CELSR1: variants seen among roughly 807,000 people sequenced by gnomAD.
The protein encoded by CELSR1 is cadherin EGF LAG seven-pass G-type receptor 1, also known as adhesion G protein-coupled receptor C1.
A neutral mutation model predicts 249.1 loss-of-function variants in CELSR1; 110 were observed. The observed-to-expected ratio is 0.44, with a 90% CI of 0.38 to 0.52. The LOEUF (loss-of-function observed/expected upper bound fraction) is 0.52, where lower values mean the gene tolerates loss of function less well. CELSR1 is among the 20% of genes least tolerant of loss of function. CELSR1 has a pLI of 0.00. For synonymous variants in CELSR1, 2,113 were observed against 1,900.0 expected, an observed-to-expected ratio of 1.11 and a Z score of -2.92; for missense variants, 4,109 against 4,296.4, an observed-to-expected ratio of 0.96 and a Z score of 1.22.
At chr22:46,386,683 T>C (rs1319855622) in intron 18 of CELSR1, 98 bp from the exon 19 acceptor site, 4 of 890,714 alleles carry the variant, frequency 4.5e-6, no homozygotes, top group African/African-American at 1.7e-5. Context: ...CCTAGTGGGC[T>C]CATTCATTCA....
At position 46,468,794 on chromosome 22, in the gene CELSR1, G is replaced by T. The variant is rs2080124546; in HGVS notation, c.3545-4449C>A. Among the ~76,000 whole-genome samples the T allele has an allele frequency of 6.6e-6, 1 of 152,114 alleles. No homozygotes were observed. Among genetic ancestry groups the T allele is most frequent in the South Asian group, 2.1e-4 (1 of 4,824 alleles). ...ACCACAATTACAAATTTTTTTAATA[G>T]GCCAGTCTCAGTGGCTCACGTCTGA... On this transcript the variant is annotated intron_variant, in intron 1 of 34. Coordinates refer to ENST00000674500, the MANE Select transcript of CELSR1 (RefSeq NM_001378328.1). The surrounding 1 kb of genome is among the most constrained non-coding windows in gnomAD (Gnocchi z 4.5).
chr22:46,507,869 G>GT (rs397802957), intron 1 of CELSR1, among the ~76,000 whole-genome samples: 23 of 151,748 alleles, frequency 1.5e-4, no homozygotes, highest in Admixed American at 2.6e-4. Flanking sequence ...GGCACTGGGG[G>GT]GCTGCATGGA....
chr22:46,535,395 C>T lies in CELSR1; in HGVS notation c.1776G>A (p.Ala592=), dbSNP rs61737812. The T allele has an allele frequency of 5.4e-3, 8,616 of 1,609,786 alleles. 31 individuals carry two copies. The highest frequency in any genetic ancestry group is 6.7e-3 in the Non-Finnish European group (7,897 of 1,178,450). Residue 592 remains alanine, a synonymous_variant, in exon 1 of 35, where the codon GCG becomes GCA. Coordinates refer to ENST00000674500, the MANE Select transcript of CELSR1 (RefSeq NM_001378328.1). The stretch of plus-strand genomic sequence containing the variant: ...GCAGCCGGGCGTTCTCTCCAGAGTC[C>T]GCGTCCACCGCCTGAATGTGCACCA... ...YPVVHIQAVD[A]DSGENARLHY... is the part of the protein sequence containing the mutation.
At chr22:46,368,265 C>T (rs1297998473) in intron 27 of CELSR1, among the ~76,000 whole-genome samples, 2 of 152,146 alleles carry the variant, frequency 1.3e-5, no homozygotes. Context: ...GCCTCAGTCT[C>T]CCCATGTGTA....
rs769890946 is a variant in CELSR1 at position 46,534,947 on chromosome 22, C to T, written c.2224G>A (p.Gly742Ser). Residue 742 changes from glycine to serine, a missense_variant, in exon 1 of 35, where the codon GGC (glycine) becomes AGC (serine). Around this residue, in one of 7 missense-constraint regions of CELSR1, gnomAD observed 886 missense variants for 896.5 expected, o/e 0.99. Coordinates refer to ENST00000674500, the MANE Select transcript of CELSR1 (RefSeq NM_001378328.1). This position sits in a 1 kb window ranked among gnomAD's most constrained non-coding sequence, Gnocchi z 9.7. ...AGAGGTAGCGCCAGGGTGATGAGGC[C>T]GCCCCCTCTCTGGCTGCTGAGTGCA... ...RFALSSQRGGGLITLALPLDY... is the reference protein window; with the variant it reads ...RFALSSQRGGSLITLALPLDY... 3.7e-6 allele frequency: 6 copies of T among 1,612,420 alleles called. No individual in the cohort carries two copies. Among genetic ancestry groups the T allele is most frequent in the East Asian group, 4.5e-5 (2 of 44,850 alleles).
At chr22:46,368,128 C>G (rs1401871702) in intron 27 of CELSR1, among the ~76,000 whole-genome samples, 1 of 152,172 alleles carries the variant, frequency 6.6e-6, no homozygotes, top group East Asian at 1.9e-4. Context: ...AGGACTACAC[C>G]AGGCCAAGGG....
At position 46,441,354 on chromosome 22, in the gene CELSR1, C is replaced by G. The variant is rs2079746601; in HGVS notation, c.4184-1943G>C. On this transcript the variant is annotated intron_variant, in intron 2 of 34. Transcript: ENST00000674500. This position sits in a 1 kb window ranked among gnomAD's most constrained non-coding sequence, Gnocchi z 6.1. ...CTGCAATGTCCCCCCGAGAGGCCTC[C>G]AACCACGCTCCGGACGGCCAGTGGG... Among the ~76,000 whole-genome samples the G allele has an allele frequency of 6.6e-6, 1 of 152,042 alleles. No homozygotes were observed. The highest frequency in any genetic ancestry group is 1.5e-5 in the Non-Finnish European group (1 of 68,010).
chr22:46,450,745 C>T (rs1359474011), intron 2 of CELSR1, among the ~76,000 whole-genome samples: 1 of 152,162 alleles, frequency 6.6e-6, no homozygotes, highest in Non-Finnish European at 1.5e-5. Flanking sequence ...GGCCTCAGCA[C>T]CCCATTCCAA....
rs143814792 is a variant in CELSR1 at position 46,535,839 on chromosome 22, G to A, written c.1332C>T (p.Thr444=). Residue 444 remains threonine (T), a synonymous_variant, in exon 1 of 35, where the codon ACC becomes ACT. Transcript: ENST00000674500. The part of the protein sequence containing the change: ...RNPGPLSATA[T]VYIEVEDEND... ...TCTCGTCCTCCACCTCGATGTACAC[G>A]GTGGCCGTGGCACTGAGCGGGCCCG... The A allele has an allele frequency of 1.1e-5, 18 of 1,611,742 alleles. No homozygotes were observed. The African/African-American group carries it at 2.0e-4, about 18-fold the overall frequency.
intron 2 of CELSR1, among the ~76,000 whole-genome samples, chr22:46,453,757 G>A (rs2079913425): frequency 6.6e-6 from 1 of 152,162 alleles, no homozygotes; most frequent in African/African-American, 2.4e-5. Context: ...GCAGCCCTGG[G>A]TCCAGATCGT....
At chr22:46,444,982 G>A (rs914207928) in intron 2 of CELSR1, among the ~76,000 whole-genome samples, 1 of 152,160 alleles carries the variant, frequency 6.6e-6, no homozygotes, top group Non-Finnish European at 1.5e-5. Flanking sequence ...GAGGTGGGTG[G>A]ATCACCTGAG....
chr22:46,491,933 C>T (rs2080371292), intron 1 of CELSR1, among the ~76,000 whole-genome samples: 1 of 152,108 alleles, frequency 6.6e-6, no homozygotes, highest in South Asian at 2.1e-4. Context: ...CACGATGTCG[C>T]GCCTCTCTAT....
intron 1 of CELSR1, chr22:46,481,390 T>C: frequency 3.7e-6 from 4 of 1,072,638 alleles, no homozygotes; most frequent in Non-Finnish European, 5.7e-6. Flanking sequence ...CAGGTGCATG[T>C]GGTCATCCAC....
rs1312342868 is a variant in CELSR1 at position 46,444,188 on chromosome 22, T to A, written c.4184-4777A>T. Reference sequence around the variant, plus strand: ...CGGGTCGGAACTCACTCTCCCCTCATCCGAGGGCTGGAAGATTCGGCTTCT... The same window carrying A: ...CGGGTCGGAACTCACTCTCCCCTCAACCGAGGGCTGGAAGATTCGGCTTCT... On this transcript the variant is annotated intron_variant, in intron 2 of 34. Coordinates refer to ENST00000674500, the MANE Select transcript of CELSR1 (RefSeq NM_001378328.1). Among the ~76,000 whole-genome samples the A allele has an allele frequency of 2.6e-5, 4 of 152,168 alleles. No homozygotes were observed. In the South Asian group the frequency reaches 8.3e-4, roughly 32 times the overall value.
intron 1 of CELSR1, among the ~76,000 whole-genome samples, chr22:46,496,025 C>T (rs2080409945): frequency 6.6e-6 from 1 of 151,022 alleles, no homozygotes; most frequent in Admixed American, 6.6e-5. Flanking sequence ...GAAACCCTGT[C>T]TCTACTAAAA....
rs1466909819 is a variant in CELSR1, at chr22:46,441,111, C to T, written c.4184-1700G>A. On this transcript the variant is annotated intron_variant, in intron 2 of 34. Coordinates refer to ENST00000674500, the MANE Select transcript of CELSR1 (RefSeq NM_001378328.1). The surrounding 1 kb of genome is among the most constrained non-coding windows in gnomAD (Gnocchi z 6.1). ...GAGGTTGTAGCGAGCCGAGGTCACA[C>T]TACCGCACTCCAGCCTAGGTGCCAG... is the stretch of plus-strand genomic sequence containing the variant. Among the ~76,000 whole-genome samples, 2 of 150,516 alleles carry T rather than the reference C, an allele frequency of 1.3e-5. No homozygotes were observed. The highest frequency in any genetic ancestry group is 4.9e-5 in the African/African-American group (2 of 40,690).
At chr22:46,416,572 G>C (rs1478457759) in intron 5 of CELSR1, among the ~76,000 whole-genome samples, 1 of 152,220 alleles carries the variant, frequency 6.6e-6, no homozygotes, top group Non-Finnish European at 1.5e-5. Context: ...GCCAGCACAG[G>C]CTCCCTGGGG....
chr22:46,422,408 C>G (rs1162686584), intron 5 of CELSR1, among the ~76,000 whole-genome samples: 2 of 151,544 alleles, frequency 1.3e-5, no homozygotes, highest in East Asian at 3.9e-4. Context: ...GTGCCTGGCC[C>G]TCAAATGATT....
chr22:46,460,161 G>C (rs1316521348), intron 2 of CELSR1, among the ~76,000 whole-genome samples: 2 of 149,868 alleles, frequency 1.3e-5, no homozygotes, highest in African/African-American at 4.9e-5. Flanking sequence ...GGGTGACACA[G>C]TGAGACTCAG....
Sources: gnomAD v4.1 joint callset for allele counts (sites outside exome capture counted in the v4.1 genomes callset) on GRCh38, gnomAD v4.1.1 for gene constraint, gnomAD v4.1.1 regional missense constraint, Gnocchi (gnomAD v3.1) non-coding constraint, MANE v1.5 for transcripts, NCBI Gene and HGNC (gene_info 2026-07-23, HGNC 2026-07-21) for gene names.